CTNNA2: variants seen among roughly 807,000 people sequenced by gnomAD.
CTNNA2 encodes the protein catenin alpha 2.
Under a neutral mutation model 101.0 loss-of-function variants are expected in CTNNA2, and 42 were observed. That is an observed-to-expected ratio of 0.42 (90% CI 0.32 to 0.54). The LOEUF (loss-of-function observed/expected upper bound fraction) is 0.54. Ranked by LOEUF, CTNNA2 falls within the 20% of genes least tolerant of loss-of-function variation. CTNNA2 has a pLI of 0.14. For synonymous variants in CTNNA2, 450 were observed against 456.4 expected, an observed-to-expected ratio of 0.99 and a Z score of 0.18; for missense variants, 871 against 1,223.1, an observed-to-expected ratio of 0.71 and a Z score of 4.29.
chr2:80,321,217 G>T (rs180893465), intron 7 of CTNNA2, among the ~76,000 whole-genome samples: 3 of 152,204 alleles, frequency 2.0e-5, no homozygotes, highest in East Asian at 1.9e-4. Flanking sequence ...AATATTTAGT[G>T]TATAGATTAT....
At chr2:79,424,054 G>C in intron 4 of CTNNA2, among the ~76,000 whole-genome samples, 1 of 152,034 alleles carries the variant, frequency 6.6e-6, no homozygotes, top group East Asian at 1.9e-4. Context: ...TAGCTTGTTA[G>C]AACTGATGGG....
rs143843147 is a variant in CTNNA2 at position 79,288,431 on chromosome 2, G to A, written c.-405-24278G>A. Among the ~76,000 whole-genome samples the A allele has an allele frequency of 3.5e-3, 535 of 152,290 alleles. 5 individuals are homozygous for A. Among genetic ancestry groups the A allele is most frequent in the African/African-American group, 0.012 (501 of 41,550 alleles). ...CTGTGTGCTCAGCTTGGTAATCTTC[G>A]CTTGGAGTCTCTCATTGATGGAATT... On this transcript the variant is annotated intron_variant, in intron 2 of 21. Coordinates refer to the CTNNA2 transcript ENST00000466387.
intron 9 of CTNNA2, among the ~76,000 whole-genome samples, chr2:80,474,401 T>A (rs1352961424): frequency 6.6e-6 from 1 of 151,956 alleles, no homozygotes; most frequent in Non-Finnish European, 1.5e-5. Context: ...ATCCACAGCC[T>A]ACTCCTGTGT....
At chr2:79,840,833 G>T (rs557804296) in intron 3 of CTNNA2, among the ~76,000 whole-genome samples, 284 of 151,204 alleles carry the variant, frequency 1.9e-3, no homozygotes, top group African/African-American at 6.7e-3. Flanking sequence ...GGCGTGGCGC[G>T]ATCTCGGCTC....
intron 9 of CTNNA2, among the ~76,000 whole-genome samples, chr2:80,542,760 A>G (rs921621992): frequency 6.6e-6 from 1 of 152,120 alleles, no homozygotes; most frequent in Non-Finnish European, 1.5e-5. Context: ...AATTATCACT[A>G]TTTCATAGAA....
intron 7 of CTNNA2, among the ~76,000 whole-genome samples, chr2:80,325,311 A>G (rs1679142953): frequency 6.6e-6 from 1 of 152,208 alleles, no homozygotes; most frequent in African/African-American, 2.4e-5. Flanking sequence ...GGAAAGAAGG[A>G]TGATGAGTTT....
At chr2:79,872,772 A>G (rs1335512678) in intron 5 of CTNNA2, among the ~76,000 whole-genome samples, 4 of 152,242 alleles carry the variant, frequency 2.6e-5, no homozygotes, top group Non-Finnish European at 4.4e-5. Context: ...TCATTCATCT[A>G]TCATGTGCCA....
chr2:79,324,628 C>T (rs1676701112), intron 3 of CTNNA2, among the ~76,000 whole-genome samples: 1 of 152,112 alleles, frequency 6.6e-6, no homozygotes, highest in Admixed American at 6.6e-5. Flanking sequence ...GGATAAGCTT[C>T]CCAGGAAACT....
chr2:79,328,565 G>T (rs1676800009), intron 3 of CTNNA2, among the ~76,000 whole-genome samples: 1 of 152,162 alleles, frequency 6.6e-6, no homozygotes, highest in African/African-American at 2.4e-5. Flanking sequence ...AGGGCTGGTA[G>T]TGTGTTAGCT....
intron 16 of CTNNA2, among the ~76,000 whole-genome samples, chr2:80,607,001 G>T (rs527592498): frequency 1.3e-5 from 2 of 151,800 alleles, no homozygotes; most frequent in Non-Finnish European, 2.9e-5. Context: ...ATTCTTTCTT[G>T]ATAAATGCAG....
At chr2:80,600,661 AAAGT>A (rs1697412633) in intron 15 of CTNNA2, among the ~76,000 whole-genome samples, 1 of 152,192 alleles carries the variant, frequency 6.6e-6, no homozygotes, top group Non-Finnish European at 1.5e-5. Flanking sequence ...TTGACAAGAA[AAAGT>A]AAATACATTT....
chr2:79,276,754 G>A (rs1002740189), intron 2 of CTNNA2, among the ~76,000 whole-genome samples: 1 of 151,812 alleles, frequency 6.6e-6, no homozygotes, highest in Admixed American at 6.6e-5. Context: ...CTGCCTTAAT[G>A]ATTACCCTTA....
At chr2:80,064,971 A>G (rs1697869825) in intron 7 of CTNNA2, among the ~76,000 whole-genome samples, 1 of 152,232 alleles carries the variant, frequency 6.6e-6, no homozygotes, top group South Asian at 2.1e-4. Context: ...TTGAAGAACC[A>G]GATTTTATGA....
At chr2:79,738,851 G>T (rs1419158835) in intron 2 of CTNNA2, among the ~76,000 whole-genome samples, 2 of 152,104 alleles carry the variant, frequency 1.3e-5, no homozygotes, top group Admixed American at 6.6e-5. Context: ...TAAAAAATTG[G>T]CAGTGACTAA....
chr2:79,453,969 G>C (rs1179932612), intron 4 of CTNNA2, among the ~76,000 whole-genome samples: 1 of 152,104 alleles, frequency 6.6e-6, no homozygotes, highest in African/African-American at 2.4e-5. Context: ...CTAAAAGCAA[G>C]TTTTAAAATA....
intron 2 of CTNNA2, among the ~76,000 whole-genome samples, chr2:79,666,233 G>A (rs114143812): frequency 0.01 from 1,533 of 152,152 alleles, 24 homozygotes; most frequent in African/African-American, 0.035. Flanking sequence ...ATTTAATAAA[G>A]TTTCAAAAAT....
At chr2:79,212,065 G>A (rs1002645625) in intron 2 of CTNNA2, among the ~76,000 whole-genome samples, 1 of 152,148 alleles carries the variant, frequency 6.6e-6, no homozygotes, top group Non-Finnish European at 1.5e-5. Flanking sequence ...AGAATTGGGA[G>A]GACCCAGAAC....
Position 80,090,126 on chromosome 2 carries a change from A to AAGTTTCAC in CTNNA2, c.1056+180330_1056+180337dup, listed in dbSNP as rs1699692728. Among the ~76,000 whole-genome samples, 3 of 147,776 alleles carry AAGTTTCAC rather than the reference A, an allele frequency of 2.0e-5. No homozygotes were observed. In the South Asian group the frequency reaches 6.6e-4, roughly 32 times the overall value. ...GGTGACCATAGTAGAGAAAGAAAGGAAGTTTCACTCTCTCTCTCTCTGTGT... is the reference window on the plus strand; with the variant it reads ...GGTGACCATAGTAGAGAAAGAAAGGAAGTTTCACAGTTTCACTCTCTCTCTCTCTGTGT... On this transcript the variant is annotated intron_variant, in intron 7 of 18. Coordinates refer to ENST00000402739, the MANE Select transcript of CTNNA2 (RefSeq NM_001282597.3).
intron 7 of CTNNA2, among the ~76,000 whole-genome samples, chr2:80,220,570 T>C (rs1026071014): frequency 1.3e-5 from 2 of 152,146 alleles, no homozygotes; most frequent in Admixed American, 1.3e-4. Flanking sequence ...AAAAATAAAA[T>C]TAAAGAGTTA....
Sources: gnomAD v4.1 joint callset for allele counts (sites outside exome capture counted in the v4.1 genomes callset) on GRCh38, gnomAD v4.1.1 for gene constraint, MANE v1.5 for transcripts, NCBI Gene and HGNC (gene_info 2026-07-23, HGNC 2026-07-21) for gene names.